DMD: variants seen among roughly 807,000 people sequenced by gnomAD.
The protein encoded by DMD is mutant dystrophin.
DMD carries 63 observed loss-of-function variants against 330.1 expected under a neutral mutation model. The observed-to-expected ratio is 0.19, with a 90% CI of 0.16 to 0.24. DMD has a LOEUF of 0.24. Ranked by LOEUF, DMD falls within the 10% of genes least tolerant of loss-of-function variation. DMD has a pLI of 1.00. For missense variants in DMD, 3,344 were observed against 2,684.1 expected, an observed-to-expected ratio of 1.25 and a Z score of -5.43; for synonymous variants, 1,223 against 959.8, an observed-to-expected ratio of 1.27 and a Z score of -5.07.
intron 2 of DMD, among the ~76,000 whole-genome samples, chrX:33,015,335 A>C (rs182799561): frequency 4.5e-5 from 5 of 111,965 alleles, no homozygotes; most frequent in Admixed American, 1.9e-4. Context: ...TGTAGCCATA[A>C]GAAAGAATGA....
intron 48 of DMD, among the ~76,000 whole-genome samples, chrX:31,849,889 A>C (rs1384740516): frequency 9.0e-6 from 1 of 111,383 alleles, no homozygotes; most frequent in East Asian, 2.8e-4. Context: ...TTAAGTGTCC[A>C]TTCACTTAAT....
At chrX:33,156,049 G>A (rs1346812683) in intron 1 of DMD, among the ~76,000 whole-genome samples, 1 of 111,480 alleles carries the variant, frequency 9.0e-6, no homozygotes, top group Non-Finnish European at 1.9e-5. Context: ...ACTAACCAGT[G>A]GCAAGAATAA....
rs753174365 is a variant in DMD at position 32,485,012 on chromosome X, G to A, written c.2710C>T (p.Pro904Ser). 8.3e-7 allele frequency: 1 copy of A among 1,211,067 alleles called. No individual in the cohort carries two copies. Among genetic ancestry groups the A allele is most frequent in the Non-Finnish European group, 1.1e-6 (1 of 894,928 alleles). ...ACAAAGTCTGCATCCAGGAACATGG[G>A]TCCTTGTCCTTTCTCTTTCAGGGCT... ...SIALKEKGQG[P>S]MFLDADFVAF... Residue 904 changes from proline to serine, a missense_variant, in exon 21 of 79, where the codon CCC (proline) becomes TCC (serine). Coordinates refer to ENST00000357033, the MANE Select transcript of DMD (RefSeq NM_004006.3).
chrX:33,060,559 G>A (rs1569552217), intron 1 of DMD, among the ~76,000 whole-genome samples: 1 of 111,598 alleles, frequency 9.0e-6, no homozygotes, highest in Admixed American at 9.5e-5. Context: ...TCGACCAGGC[G>A]TGGTGGCTCA....
chrX:31,393,903 T>C (rs2060798441), intron 60 of DMD, among the ~76,000 whole-genome samples: 1 of 112,238 alleles, frequency 8.9e-6, no homozygotes, highest in Non-Finnish European at 1.9e-5. Flanking sequence ...CTTCACTTTA[T>C]GCATGTTAAA....
At chrX:31,890,018 C>G (rs1381015588) in intron 47 of DMD, among the ~76,000 whole-genome samples, 1 of 109,526 alleles carries the variant, frequency 9.1e-6, no homozygotes, top group Non-Finnish European at 1.9e-5. Context: ...TAACAAATAA[C>G]AATAACTTGA....
In DMD at chrX:33,034,748, T is replaced by A. The variant is rs183522007; in HGVS notation, c.32-14548A>T. 3.4e-4 allele frequency among the ~76,000 whole-genome samples: 38 copies of A among 112,397 alleles called. 1 individual carries two copies. In the East Asian group the frequency reaches 6.4e-3, roughly 19 times the overall value. On this transcript the variant is annotated intron_variant, in intron 1 of 78. Coordinates refer to ENST00000357033, the MANE Select transcript of DMD (RefSeq NM_004006.3). ...TGCTCTGGAATCATACGGCCTGGAT[T>A]TAAAGTCCAGTTTTGCCGCTTACTG... is the stretch of plus-strand genomic sequence containing the variant.
chrX:33,047,509 A>T (rs971652895), intron 1 of DMD, among the ~76,000 whole-genome samples: 4 of 110,899 alleles, frequency 3.6e-5, no homozygotes, highest in South Asian at 3.8e-4. Context: ...ATTTTTTTTT[A>T]AAAAAGCTTA....
At chrX:32,723,869 A>T (rs1284814785) in intron 7 of DMD, among the ~76,000 whole-genome samples, 2 of 109,141 alleles carry the variant, frequency 1.8e-5, no homozygotes, top group African/African-American at 6.7e-5. Flanking sequence ...ACAATAGCTA[A>T]TCAACTAAAA....
intron 43 of DMD, among the ~76,000 whole-genome samples, chrX:32,270,196 T>C: frequency 8.9e-6 from 1 of 112,374 alleles, no homozygotes; most frequent in Non-Finnish European, 1.9e-5. Flanking sequence ...CACAAGGAGA[T>C]TCTCAAGTCA....
At chrX:31,291,352 G>A (rs1281266439) in intron 62 of DMD, among the ~76,000 whole-genome samples, 1 of 111,134 alleles carries the variant, frequency 9.0e-6, no homozygotes, top group Non-Finnish European at 1.9e-5. Flanking sequence ...TCCATGCTGG[G>A]CTCCTATTCT....
At chrX:32,807,122 T>TTAAAAAAAAAAAAAAAAAAAAAAA (rs1345640031) in intron 7 of DMD, among the ~76,000 whole-genome samples, 3 of 20,741 alleles carry the variant, frequency 1.4e-4, no homozygotes, top group African/African-American at 6.6e-4. Flanking sequence ...CGGAAACATT[T>TTAAAAAAAAAAAAAAAAAAAAAAA]AAAAAAAAAA....
chrX:32,927,363 C>CTTT (rs536073565), intron 2 of DMD, among the ~76,000 whole-genome samples: 98 of 56,794 alleles, frequency 1.7e-3, no homozygotes, highest in Middle Eastern at 0.012. Flanking sequence ...TTCTTTCTTT[C>CTTT]TTTTTTTTTT....
intron 60 of DMD, among the ~76,000 whole-genome samples, chrX:31,412,477 T>C (rs755187891): frequency 1.8e-5 from 2 of 111,937 alleles, no homozygotes; most frequent in African/African-American, 6.5e-5. Context: ...TTCATGACAG[T>C]TTCTGAAAGA....
chrX:31,857,378 CGGAAAAAA>C (rs2093630366), intron 48 of DMD, among the ~76,000 whole-genome samples: 10 of 31,259 alleles, frequency 3.2e-4, no homozygotes, highest in African/African-American at 2.5e-3. Flanking sequence ...GACTCCACCT[CGGAAAAAA>C]AAAAAAAAAA....
intron 52 of DMD, among the ~76,000 whole-genome samples, chrX:31,716,826 TACACAC>T (rs3032284): frequency 2.4e-3 from 236 of 96,455 alleles, no homozygotes; most frequent in African/African-American, 7.6e-3. Context: ...TATATAAGAA[TACACAC>T]ACACACACAC....
At chrX:31,915,893 C>T (rs934732370) in intron 47 of DMD, among the ~76,000 whole-genome samples, 5 of 111,771 alleles carry the variant, frequency 4.5e-5, no homozygotes, top group Non-Finnish European at 9.4e-5. Flanking sequence ...TCTCTGTATG[C>T]ACATCTTTTT....
chrX:32,314,763 C>G (rs897470072), intron 41 of DMD, among the ~76,000 whole-genome samples: 1 of 111,494 alleles, frequency 9.0e-6, no homozygotes, highest in Non-Finnish European at 1.9e-5. Flanking sequence ...AAGACATTTA[C>G]GCGGCCAACA....
intron 42 of DMD, among the ~76,000 whole-genome samples, chrX:32,294,773 G>A (rs1314809936): frequency 5.4e-5 from 6 of 110,829 alleles, no homozygotes; most frequent in Non-Finnish European, 7.6e-5. Context: ...TGTCCTCAAG[G>A]CACTGCACAC....
Sources: allele counts gnomAD v4.1 joint callset (sites outside exome capture counted in the v4.1 genomes callset), GRCh38; gene constraint gnomAD v4.1.1; transcripts MANE v1.5; gene names NCBI Gene and HGNC (gene_info 2026-07-23, HGNC 2026-07-21).